The following ERFE variants were observed in gnomAD, a reference collection of about 807,000 sequenced individuals.
ERFE encodes the protein complement C1q tumor necrosis factor-related protein 15.
Under a neutral mutation model 26.6 loss-of-function variants are expected in ERFE, and 25 were observed. That is an observed-to-expected ratio of 0.94 (90% confidence interval 0.69 to 1.31). The LOEUF (loss-of-function observed/expected upper bound fraction) is 1.31. Ranked by LOEUF, ERFE falls within the 40% of genes most tolerant of loss-of-function variation. The pLI is 0.00. For synonymous variants in ERFE, 206 were observed against 204.5 expected, an observed-to-expected ratio of 1.01 and a Z score of -0.06; for missense variants, 447 against 440.2, an observed-to-expected ratio of 1.02 and a Z score of -0.14.
rs1693078909 is a variant in ERFE at position 238,168,206 on chromosome 2, A to G, written c.*1152A>G. 2.8e-6 allele frequency: 1 copy of G among 352,024 alleles called. No homozygotes were observed. Among genetic ancestry groups the G allele is most frequent in the African/African-American group, 2.2e-5 (1 of 46,346 alleles). The allele number at this position is 352,024 out of a possible 1,614,324, so 21.8% of individuals were successfully genotyped here. ...GGGACGGCAGCTCTCATGAGGACACACAGGCTGTGAGCCCGCAGCCTCCTC... is the reference window on the plus strand; with the variant it reads ...GGGACGGCAGCTCTCATGAGGACACGCAGGCTGTGAGCCCGCAGCCTCCTC... On this transcript the variant is annotated 3_prime_UTR_variant, in exon 8 of 8. Coordinates refer to ENST00000546354, the MANE Select transcript of ERFE (RefSeq NM_001291832.2).
At position 238,164,080 on chromosome 2, in the gene ERFE, C is replaced by T. The variant is rs1259407967; in HGVS notation, c.693C>T (p.Asp231=). 3 of 1,420,904 alleles carry T rather than the reference C, an allele frequency of 2.1e-6. No homozygotes were observed. The highest frequency in any genetic ancestry group is 2.7e-6 in the Non-Finnish European group (3 of 1,091,290). The allele number at this position is 1,420,904 out of a possible 1,614,324, so 88.0% of individuals were successfully genotyped here. Residue 231 remains aspartate (D), a synonymous_variant, in exon 5 of 8, where the codon GAC becomes GAT. Transcript: ENST00000546354. ...ACCATCCGTGCCCCTCGCAGCCCGACGCCGAGGGTGCCTTCCGCCGCGGCC... is the reference window on the plus strand; with the variant it reads ...ACCATCCGTGCCCCTCGCAGCCCGATGCCGAGGGTGCCTTCCGCCGCGGCC... ...LHELGVYYLP[D]AEGAFRRGPG...
chr2:238,163,611 C>A, intron 3 of ERFE, 126 bp from the exon 4 acceptor site: 2 of 1,124,876 alleles, frequency 1.8e-6, no homozygotes, highest in Non-Finnish European at 2.2e-6. Context: ...GAGGGGACGT[C>A]GCCCTCGCCC....
intron 7 of ERFE, among the ~76,000 whole-genome samples, chr2:238,166,402 G>A (rs183439746): frequency 6.6e-6 from 1 of 152,206 alleles, no homozygotes; most frequent in Non-Finnish European, 1.5e-5. Context: ...CAGCATGCTT[G>A]GTGAACTCAG....
At position 238,159,197 on chromosome 2, in the gene ERFE, C is replaced by T. The variant is rs1254426058; in HGVS notation, c.190C>T (p.Arg64Cys). 4.7e-6 allele frequency: 1 copy of T among 210,932 alleles called. No homozygotes were observed. The highest frequency in any genetic ancestry group is 9.3e-6 in the Non-Finnish European group (1 of 107,826). 13.1% of individuals were successfully genotyped at this position (210,932 alleles called of 1,614,324 possible). ...GGAGAGCCGCGCGGGGCCGGCCGCT[C>T]GTCCGCCGGTAAGACGCCCGGGCCC... ...PGESRAGPAA[R>C]PPEPTAERAH... The change falls in exon 1 of 8, where the codon CGT becomes TGT. Residue 64 changes from arginine to cysteine, a missense_variant. Arg to Cys is a radical substitution (Grantham distance 180, BLOSUM62 -3). Transcript: ENST00000546354.
At chr2:238,166,885 C>A in intron 7 of ERFE, 71 bp from the exon 8 acceptor site, 1 of 1,282,608 alleles carries the variant, frequency 7.8e-7, no homozygotes, top group Non-Finnish European at 1.1e-6. Context: ...GGGAGTGTGG[C>A]TGGCTGGCCC....
At position 238,165,610 on chromosome 2, in the gene ERFE, C is replaced by G; in HGVS notation, c.892C>G (p.Leu298Val). The change falls in exon 7 of 8, where the codon CTG becomes GTG. Residue 298 changes from leucine (L) to valine (V), a missense_variant. Physicochemically the swap from Leu to Val is conservative, Grantham distance 32. Transcript: ENST00000546354. ...CTCCCTCTGTTTTGGGTACAGCTCC[C>G]TGGAGGCCATCATGGGCCTGGAGAG... ...IQSRCQRNAS[L>V]EAIMGLESSS... 1 of 1,548,288 alleles carries G rather than the reference C, an allele frequency of 6.5e-7. No homozygotes were observed. The highest frequency in any genetic ancestry group is 8.7e-7 in the Non-Finnish European group (1 of 1,145,082).
chr2:238,165,305 A>C (rs940595325), intron 6 of ERFE, among the ~76,000 whole-genome samples: 4 of 152,182 alleles, frequency 2.6e-5, no homozygotes, highest in Non-Finnish European at 5.9e-5. Context: ...ACTTAGCATC[A>C]CCTGCCACCA....
chr2:238,167,226 G>C lies in ERFE; in HGVS notation c.*172G>C. On this transcript the variant is annotated 3_prime_UTR_variant, in exon 8 of 8. Transcript: ENST00000546354. Reference sequence around the variant, plus strand: ...AGCCACTGCAGGCAGGCCTACGGACGTGACACGCACGCTGGTGGTCCCGGA... The same window carrying C: ...AGCCACTGCAGGCAGGCCTACGGACCTGACACGCACGCTGGTGGTCCCGGA... 1 of 746,496 alleles carries C rather than the reference G, an allele frequency of 1.3e-6. No individual in the cohort carries two copies. Among genetic ancestry groups the C allele is most frequent in the Non-Finnish European group, 2.3e-6 (1 of 425,720 alleles). 46.2% of individuals were successfully genotyped at this position (746,496 alleles called of 1,614,324 possible).
At position 238,168,321 on chromosome 2, in the gene ERFE, G is replaced by A. The variant is rs1419036762; in HGVS notation, c.*1267G>A. On this transcript the variant is annotated 3_prime_UTR_variant, in exon 8 of 8. Coordinates refer to ENST00000546354, the MANE Select transcript of ERFE (RefSeq NM_001291832.2). Reference sequence around the variant, plus strand: ...AAGGCCCTCGGCAGCGACCTCCAGGGCCTCCTACCTGCTGAGGAAGAGTTA... The same window carrying A: ...AAGGCCCTCGGCAGCGACCTCCAGGACCTCCTACCTGCTGAGGAAGAGTTA... The A allele has an allele frequency of 6.5e-6, 3 of 460,562 alleles. No individual in the cohort carries two copies. The highest frequency in any genetic ancestry group is 7.0e-5 in the East Asian group (1 of 14,336). 28.5% of individuals were successfully genotyped at this position (460,562 alleles called of 1,614,324 possible).
In ERFE at chr2:238,163,755, AGC is replaced by A. The variant is rs1274367333; in HGVS notation, c.449_450del (p.Ala150GlyfsTer159). The A allele has an allele frequency of 4.7e-5, 64 of 1,349,012 alleles. No individual in the cohort carries two copies. The highest frequency in any genetic ancestry group is 6.1e-5 in the Non-Finnish European group (64 of 1,055,554). The allele number at this position is 1,349,012 out of a possible 1,614,324, so 83.6% of individuals were successfully genotyped here. A position where few individuals can be genotyped will look rare whatever the true frequency, so the allele number is the denominator to read the frequency against. ...GTGCCAGGTGCGGTGCGGCAGCGGG[AGC>A]GCGCGGAGCCCGAACCCTGTACGTG... On this transcript the variant is annotated frameshift_variant, in exon 4 of 8. Coordinates refer to ENST00000546354, the MANE Select transcript of ERFE (RefSeq NM_001291832.2). LOFTEE classifies it high-confidence loss of function.
chr2:238,161,608 G>A lies in ERFE; in HGVS notation c.213G>A (p.Glu71=), dbSNP rs1174779218. 5.2e-6 allele frequency: 8 copies of A among 1,541,556 alleles called. No individual in the cohort carries two copies. Among genetic ancestry groups the A allele is most frequent in the Non-Finnish European group, 7.0e-6 (8 of 1,139,888 alleles). Reference sequence around the variant, plus strand: ...CTGTGTTCCAGGAGCCCACCGCTGAGCGTGCACACAGCGTCGACCCCCGGG... The same window carrying A: ...CTGTGTTCCAGGAGCCCACCGCTGAACGTGCACACAGCGTCGACCCCCGGG... ...PAARPPEPTA[E]RAHSVDPRDA... is the part of the protein sequence containing the mutation. The change falls in exon 2 of 8, where the codon GAG becomes GAA. Residue 71 remains glutamate (E), a synonymous_variant. Coordinates refer to ENST00000546354, the MANE Select transcript of ERFE (RefSeq NM_001291832.2).
In ERFE at chr2:238,165,659, C is replaced by T; in HGVS notation, c.941C>T (p.Ser314Phe). 1 of 1,549,710 alleles carries T rather than the reference C, an allele frequency of 6.5e-7. No individual in the cohort carries two copies. The highest frequency in any genetic ancestry group is 8.7e-7 in the Non-Finnish European group (1 of 1,146,264). Residue 314 changes from serine to phenylalanine, a missense_variant, in exon 7 of 8, where the codon TCT (serine) becomes TTT (phenylalanine). Transcript: ENST00000546354. The part of the protein sequence containing the change: ...LESSSELFTI[S>F]VNGVLYLQMG... ...AGCAGCAGTGAGCTCTTCACCATCT[C>T]TGTGAATGGCGTCCTGTACCTGCAG...
At chr2:238,165,477 C>T in intron 6 of ERFE, 129 bp from the exon 7 acceptor site, 2 of 710,252 alleles carry the variant, frequency 2.8e-6, no homozygotes, top group Admixed American at 4.4e-5. Context: ...ACACCACCTC[C>T]ACTGGAAGAC....
chr2:238,167,178 G>A lies in ERFE; in HGVS notation c.*124G>A. 1.0e-6 allele frequency: 1 copy of A among 997,560 alleles called. No homozygotes were observed. Among genetic ancestry groups the A allele is most frequent in the Non-Finnish European group, 1.5e-6 (1 of 654,692 alleles). 61.8% of individuals were successfully genotyped at this position (997,560 alleles called of 1,614,324 possible). A position where few individuals can be genotyped will look rare whatever the true frequency, so the allele number is the denominator to read the frequency against. ...GCCCACCCGGAACTCTGCCCACACT[G>A]GCCACTGCAGTTCAGCCCACAGAGC... On this transcript the variant is annotated 3_prime_UTR_variant, in exon 8 of 8. Transcript: ENST00000546354.
rs570801188 is a variant in ERFE, at chr2:238,167,234, C to G, written c.*180C>G. 6.8e-6 allele frequency: 5 copies of G among 731,314 alleles called. No individual in the cohort carries two copies. The highest frequency in any genetic ancestry group is 9.7e-6 in the Non-Finnish European group (4 of 412,034). The allele number at this position is 731,314 out of a possible 1,614,324, so 45.3% of individuals were successfully genotyped here. On this transcript the variant is annotated 3_prime_UTR_variant, in exon 8 of 8. Coordinates refer to ENST00000546354, the MANE Select transcript of ERFE (RefSeq NM_001291832.2). ...CAGGCAGGCCTACGGACGTGACACGCACGCTGGTGGTCCCGGAGCCAGGGT... is the reference window on the plus strand; with the variant it reads ...CAGGCAGGCCTACGGACGTGACACGGACGCTGGTGGTCCCGGAGCCAGGGT...
In ERFE at chr2:238,164,201, G is replaced by A. The variant is rs1692992544; in HGVS notation, c.796+18G>A. The A allele has an allele frequency of 7.0e-7, 1 of 1,433,026 alleles. No homozygotes were observed. Among genetic ancestry groups the A allele is most frequent in the South Asian group, 1.5e-5 (1 of 68,216 alleles). 88.8% of individuals were successfully genotyped at this position (1,433,026 alleles called of 1,614,324 possible). A position where few individuals can be genotyped will look rare whatever the true frequency, so the allele number is the denominator to read the frequency against. On this transcript the variant is annotated intron_variant, in intron 5 of 7. Coordinates refer to ENST00000546354, the MANE Select transcript of ERFE (RefSeq NM_001291832.2). Reference sequence around the variant, plus strand: ...GCACGTGGGTGAGGCCCGGGGCGTGGGAGGATCGCCCGCTCTGTCGCCCAC... The same window carrying A: ...GCACGTGGGTGAGGCCCGGGGCGTGAGAGGATCGCCCGCTCTGTCGCCCAC...
chr2:238,167,455 C>T lies in ERFE; in HGVS notation c.*401C>T, dbSNP rs143517409. The T allele has an allele frequency of 2.1e-3, 1,021 of 478,748 alleles. 5 individuals are homozygous for T. The highest frequency in any genetic ancestry group is 0.018 in the African/African-American group (910 of 51,220). The allele number at this position is 478,748 out of a possible 1,614,324, so 29.7% of individuals were successfully genotyped here. A position where few individuals can be genotyped will look rare whatever the true frequency, so the allele number is the denominator to read the frequency against. ...ATGTTCTCATGGAGTGCAAAGTGCA[C>T]CAGCCAGGGCCCCTACCTGGGAGAG... On this transcript the variant is annotated 3_prime_UTR_variant, in exon 8 of 8. Coordinates refer to ENST00000546354, the MANE Select transcript of ERFE (RefSeq NM_001291832.2).
At chr2:238,162,644 T>G in intron 2 of ERFE, 92 bp from the exon 3 acceptor site, 2 of 822,956 alleles carry the variant, frequency 2.4e-6, no homozygotes, top group Middle Eastern at 2.2e-4. Context: ...GGAGCTCTGT[T>G]GCCTGCCTCT....
Position 238,159,198 on chromosome 2 carries a change from G to C in ERFE, c.191G>C (p.Arg64Pro), listed in dbSNP as rs1205056819. The C allele has an allele frequency of 1.4e-5, 3 of 209,644 alleles. No individual in the cohort carries two copies. Among genetic ancestry groups the C allele is most frequent in the Non-Finnish European group, 2.8e-5 (3 of 107,032 alleles). 13.0% of individuals were successfully genotyped at this position (209,644 alleles called of 1,614,324 possible). ...PGESRAGPAA[R>P]PPEPTAERAH... is the part of the protein sequence containing the mutation. ...GAGAGCCGCGCGGGGCCGGCCGCTC[G>C]TCCGCCGGTAAGACGCCCGGGCCCG... Residue 64 changes from arginine to proline, a missense_variant, in exon 1 of 8, where the codon CGT becomes CCT. Coordinates refer to ENST00000546354, the MANE Select transcript of ERFE (RefSeq NM_001291832.2).
Sources: allele counts gnomAD v4.1 joint callset (sites outside exome capture counted in the v4.1 genomes callset), GRCh38; gene constraint gnomAD v4.1.1; transcripts MANE v1.5; gene names NCBI Gene and HGNC (gene_info 2026-07-23, HGNC 2026-07-21).